The following CRIM1 variants were observed in gnomAD, a reference collection of about 807,000 sequenced individuals.
CRIM1 encodes the protein cysteine rich transmembrane BMP regulator 1.
Under a neutral mutation model 116.4 loss-of-function variants are expected in CRIM1, and 32 were observed. That is an observed-to-expected ratio of 0.27 (90% confidence interval 0.21 to 0.37). The LOEUF is 0.37. Among genes scored for constraint, CRIM1 ranks in the 10% least tolerant of loss-of-function variants. CRIM1 has a pLI of 1.00. For missense variants in CRIM1, 1,331 were observed against 1,354.8 expected, an observed-to-expected ratio of 0.98 and a Z score of 0.28; for synonymous variants, 590 against 509.2, an observed-to-expected ratio of 1.16 and a Z score of -2.13.
In CRIM1 at chr2:36,547,223, C is replaced by A. The variant is rs1409406796; in HGVS notation, c.2934+52C>A. On this transcript the variant is annotated intron_variant, in intron 16 of 16. Transcript: ENST00000280527. ...TGAATGATGAATCTAGGAAAACTTA[C>A]ACTCATATTGAAATTGCTTGAAACC... 4.8e-6 allele frequency: 7 copies of A among 1,444,076 alleles called. No homozygotes were observed. The South Asian group carries it at 5.9e-5, about 12-fold the overall frequency. 89.5% of individuals were successfully genotyped at this position (1,444,076 alleles called of 1,614,324 possible).
At chr2:36,432,746 A>C (rs1219882255) in intron 2 of CRIM1, among the ~76,000 whole-genome samples, 1 of 152,066 alleles carries the variant, frequency 6.6e-6, no homozygotes, top group African/African-American at 2.4e-5. Context: ...TCCCTAGAAC[A>C]ATAGGTCAGC....
At chr2:36,547,499 G>A (rs540748605) in intron 16 of CRIM1, among the ~76,000 whole-genome samples, 11 of 152,222 alleles carry the variant, frequency 7.2e-5, no homozygotes, top group East Asian at 1.9e-4. Flanking sequence ...ACATTAAAAC[G>A]TGATCACCTG....
At chr2:36,543,038 G>A (rs3770817) in intron 14 of CRIM1, among the ~76,000 whole-genome samples, 11,547 of 152,176 alleles carry the variant, frequency 0.076, 1,136 homozygotes, top group East Asian at 0.43. Context: ...TTGCAGGGAT[G>A]CACTGAACCT....
chr2:36,524,364 A>G (rs1276185929), intron 13 of CRIM1, among the ~76,000 whole-genome samples: 1 of 152,236 alleles, frequency 6.6e-6, no homozygotes, highest in Non-Finnish European at 1.5e-5. Context: ...AATGAAAGCT[A>G]TAACTAAGCT....
At chr2:36,359,909 A>G (rs913092515) in intron 1 of CRIM1, among the ~76,000 whole-genome samples, 4 of 152,184 alleles carry the variant, frequency 2.6e-5, no homozygotes, top group African/African-American at 9.7e-5. Context: ...TGCTCTTTGC[A>G]GCATCCTAAC....
At chr2:36,510,175 G>T in intron 9 of CRIM1, 36 bp downstream of exon 9, 1 of 1,580,680 alleles carries the variant, frequency 6.3e-7, no homozygotes, top group Non-Finnish European at 8.7e-7. Context: ...CTATTATGAA[G>T]TGCAACTTGG....
At chr2:36,511,344 C>G (rs573031844) in intron 9 of CRIM1, among the ~76,000 whole-genome samples, 103 of 152,090 alleles carry the variant, frequency 6.8e-4, no homozygotes, top group African/African-American at 2.3e-3. Flanking sequence ...TGGGAGGGGT[C>G]GTCTTTATAA....
At chr2:36,431,260 T>C (rs1384155345) in intron 2 of CRIM1, among the ~76,000 whole-genome samples, 2 of 152,228 alleles carry the variant, frequency 1.3e-5, no homozygotes, top group African/African-American at 4.8e-5. Context: ...TATACACATA[T>C]ATGTATGAAA....
intron 7 of CRIM1, among the ~76,000 whole-genome samples, chr2:36,490,682 G>A (rs1199536899): frequency 6.6e-6 from 1 of 152,030 alleles, no homozygotes; most frequent in Non-Finnish European, 1.5e-5. Context: ...GGGAGAGCTG[G>A]ATCCGTTTTC....
chr2:36,363,744 T>G (rs1290056406), intron 1 of CRIM1, among the ~76,000 whole-genome samples: 3 of 152,162 alleles, frequency 2.0e-5, no homozygotes, highest in African/African-American at 7.2e-5. Flanking sequence ...TGCACTTTGC[T>G]TCACATTATC....
chr2:36,488,994 C>A (rs1014305945), intron 7 of CRIM1, among the ~76,000 whole-genome samples: 1 of 152,188 alleles, frequency 6.6e-6, no homozygotes, highest in African/African-American at 2.4e-5. Flanking sequence ...TGTGTGCTTA[C>A]CTCATCCCTG....
chr2:36,510,020 C>T lies in CRIM1; in HGVS notation c.1539C>T (p.Thr513=), dbSNP rs760107147. 3.3e-5 allele frequency: 54 copies of T among 1,614,042 alleles called. No homozygotes were observed. Among genetic ancestry groups the T allele is most frequent in the Non-Finnish European group, 4.5e-5 (53 of 1,180,020 alleles). The part of the protein sequence containing the change: ...ELCSERKQGC[T]LNCPFGFLTD... The stretch of plus-strand genomic sequence containing the variant: ...GTTCAGAACGTAAACAAGGCTGCAC[C>T]TTGAACTGTCCCTTCGGTTTCCTTA... Residue 513 remains threonine (T), a synonymous_variant, in exon 9 of 17, where the codon ACC becomes ACT. Transcript: ENST00000280527.
At chr2:36,391,118 A>ATTT (rs57108558) in intron 1 of CRIM1, among the ~76,000 whole-genome samples, 1 of 67,234 alleles carries the variant, frequency 1.5e-5, no homozygotes. Context: ...CCAACTTTTG[A>ATTT]TTTTTTTTTT....
At chr2:36,502,256 G>C (rs1681053582) in intron 8 of CRIM1, among the ~76,000 whole-genome samples, 1 of 152,178 alleles carries the variant, frequency 6.6e-6, no homozygotes, top group Non-Finnish European at 1.5e-5. Flanking sequence ...TTTGAAGGAA[G>C]AGTCAAAATA....
At chr2:36,489,318 C>T (rs1680059490) in intron 7 of CRIM1, among the ~76,000 whole-genome samples, 1 of 152,094 alleles carries the variant, frequency 6.6e-6, no homozygotes, top group African/African-American at 2.4e-5. Context: ...CAAGGAGTCT[C>T]TATTTGTTAG....
At chr2:36,535,451 T>C (rs1199973111) in intron 13 of CRIM1, among the ~76,000 whole-genome samples, 1 of 152,188 alleles carries the variant, frequency 6.6e-6, no homozygotes, top group East Asian at 1.9e-4. Flanking sequence ...TGCCAGAAAA[T>C]TTCTGTGGAG....
At chr2:36,457,856 G>A (rs1418072002) in intron 4 of CRIM1, among the ~76,000 whole-genome samples, 1 of 151,908 alleles carries the variant, frequency 6.6e-6, no homozygotes, top group African/African-American at 2.4e-5. Flanking sequence ...ACTTTTTATA[G>A]AATAGCACTG....
At chr2:36,510,541 G>A (rs575332497) in intron 9 of CRIM1, among the ~76,000 whole-genome samples, 3 of 152,226 alleles carry the variant, frequency 2.0e-5, no homozygotes, top group Middle Eastern at 3.4e-3. Context: ...ATTGAAGACC[G>A]ACCCCCCACT....
chr2:36,450,615 C>T (rs1367998900), intron 4 of CRIM1, among the ~76,000 whole-genome samples: 2 of 152,158 alleles, frequency 1.3e-5, no homozygotes, highest in Non-Finnish European at 2.9e-5. Flanking sequence ...CAATTTCCCA[C>T]TCATATCCTG....
Sources: gnomAD v4.1 joint callset for allele counts (sites outside exome capture counted in the v4.1 genomes callset) on GRCh38, gnomAD v4.1.1 for gene constraint, MANE v1.5 for transcripts, NCBI Gene and HGNC (gene_info 2026-07-23, HGNC 2026-07-21) for gene names.